Variants in BRD10 observed in about 807,000 individuals in gnomAD.
BRD10 encodes the protein uncharacterized bromodomain-containing protein 10.
the BRD10 span, among the ~76,000 whole-genome samples, chr9:5,932,634 A>T: frequency 6.6e-6 from 1 of 152,186 alleles, no homozygotes; most frequent in Non-Finnish European, 1.5e-5. Flanking sequence ...ACTCGAACAT[A>T]CATGGATTTT....
chr9:5,932,311 T>C, the BRD10 span, among the ~76,000 whole-genome samples: 7 of 152,004 alleles, frequency 4.6e-5, no homozygotes, highest in African/African-American at 1.7e-4. Context: ...ATTATTAAAG[T>C]TGAAAGGAAA....
At chr9:5,905,916 C>T in the BRD10 span, among the ~76,000 whole-genome samples, 2 of 152,290 alleles carry the variant, frequency 1.3e-5, no homozygotes, top group African/African-American at 4.8e-5. Flanking sequence ...AAATATTTTG[C>T]AGTTTTTTTC....
the BRD10 span, among the ~76,000 whole-genome samples, chr9:5,957,143 G>A: frequency 6.6e-6 from 1 of 152,106 alleles, no homozygotes; most frequent in Admixed American, 6.5e-5. Context: ...CCTGCTGTGT[G>A]TCAGATACTT....
chr9:5,968,445 C>G, the BRD10 span: 46 of 1,612,546 alleles, frequency 2.9e-5, no homozygotes, highest in Non-Finnish European at 3.4e-6. Context: ...GTAACTTCCC[C>G]TGGACTCCTT....
At chr9:5,959,577 T>C in the BRD10 span, among the ~76,000 whole-genome samples, 1 of 152,178 alleles carries the variant, frequency 6.6e-6, no homozygotes, top group Non-Finnish European at 1.5e-5. Context: ...TGGAGTATAG[T>C]AAATCCTTTC....
chr9:5,911,253 C>A, the BRD10 span, among the ~76,000 whole-genome samples: 1 of 152,138 alleles, frequency 6.6e-6, no homozygotes, highest in Non-Finnish European at 1.5e-5. Flanking sequence ...TTTCATTCTT[C>A]TGCATACAGG....
chr9:5,996,462 G>C, the BRD10 span, among the ~76,000 whole-genome samples: 1 of 152,074 alleles, frequency 6.6e-6, no homozygotes, highest in East Asian at 1.9e-4. Context: ...AAGATTACAA[G>C]CATATGCCAC....
chr9:5,956,571 C>T, the BRD10 span, among the ~76,000 whole-genome samples: 2 of 152,082 alleles, frequency 1.3e-5, no homozygotes, highest in African/African-American at 4.8e-5. Context: ...GGTTATAACA[C>T]CCCAAAAGCT....
the BRD10 span, chr9:5,897,414 GGGAGGTGGGAAACTACTT>G: frequency 1.4e-6 from 1 of 709,468 alleles, no homozygotes. Context: ...TGCCCAGTGT[GGGAGGTGGGAAACTACTT>G]GGACACTGGG....
the BRD10 span, among the ~76,000 whole-genome samples, chr9:5,976,392 C>G: frequency 1.3e-5 from 2 of 152,084 alleles, no homozygotes; most frequent in East Asian, 3.8e-4. Context: ...CAAGTTATTT[C>G]CCATAAAATT....
At chr9:5,953,376 G>T in the BRD10 span, among the ~76,000 whole-genome samples, 1 of 151,980 alleles carries the variant, frequency 6.6e-6, no homozygotes, top group African/African-American at 2.4e-5. Context: ...ATTAATTAGG[G>T]TGAGATTCTC....
At chr9:5,926,925 CATAA>C in the BRD10 span, among the ~76,000 whole-genome samples, 1 of 152,126 alleles carries the variant, frequency 6.6e-6, no homozygotes, top group African/African-American at 2.4e-5. Flanking sequence ...ACGTGTGGCA[CATAA>C]ATATTCAACA....
the BRD10 span, chr9:5,944,988 G>C: frequency 2.5e-6 from 3 of 1,196,538 alleles, no homozygotes; most frequent in South Asian, 2.9e-5. Flanking sequence ...AACACAGCTT[G>C]ATAACACATA....
At chr9:6,002,648 T>A in the BRD10 span, among the ~76,000 whole-genome samples, 2 of 151,896 alleles carry the variant, frequency 1.3e-5, no homozygotes, top group Non-Finnish European at 2.9e-5. Context: ...CTTGGAAACA[T>A]CTATTTTCAA....
chr9:5,949,614 T>C, the BRD10 span, among the ~76,000 whole-genome samples: 1 of 152,184 alleles, frequency 6.6e-6, no homozygotes, highest in Admixed American at 6.5e-5. Context: ...CAATCATGCA[T>C]ATGAAATGGG....
the BRD10 span, chr9:5,920,585 T>C: frequency 6.8e-6 from 11 of 1,613,984 alleles, no homozygotes; most frequent in South Asian, 1.2e-4. Context: ...TTGAGGTTTA[T>C]TTGTGTTTAC....
chr9:5,954,220 A>C, the BRD10 span: 154 of 617,770 alleles, frequency 2.5e-4, 1 homozygote, highest in Middle Eastern at 2.1e-3. Flanking sequence ...GAGTCAAATA[A>C]AAATGATGAA....
At chr9:5,994,201 T>A in the BRD10 span, among the ~76,000 whole-genome samples, 1 of 152,130 alleles carries the variant, frequency 6.6e-6, no homozygotes, top group Non-Finnish European at 1.5e-5. Flanking sequence ...AATATGCTTA[T>A]TTACTCTCTC....
the BRD10 span, chr9:6,007,839 G>C: frequency 7.2e-7 from 1 of 1,393,020 alleles, no homozygotes; most frequent in African/African-American, 1.5e-5. Context: ...GAGGTGCTGG[G>C]GGACGCGTGA....
Sources: gnomAD v4.1 joint callset for allele counts (sites outside exome capture counted in the v4.1 genomes callset) on GRCh38, gnomAD v4.1.1 for gene constraint, MANE v1.5 for transcripts, NCBI Gene and HGNC (gene_info 2026-07-23, HGNC 2026-07-21) for gene names.